The following SAMTOR variants were observed in gnomAD, a reference collection of about 807,000 sequenced individuals.
SAMTOR encodes UPF0532 protein C7orf60.
At chr7:112,841,681 T>C in the SAMTOR span, among the ~76,000 whole-genome samples, 8 of 152,182 alleles carry the variant, frequency 5.3e-5, no homozygotes, top group African/African-American at 1.7e-4. Flanking sequence ...CAAACTATAC[T>C]AGAAGGCTAC....
chr7:112,840,366 CTAT>C, the SAMTOR span, among the ~76,000 whole-genome samples: 1 of 151,888 alleles, frequency 6.6e-6, no homozygotes, highest in African/African-American at 2.4e-5. Context: ...TATTTCAATT[CTAT>C]TATTATTACT....
the SAMTOR span, among the ~76,000 whole-genome samples, chr7:112,848,527 T>G: frequency 6.6e-6 from 1 of 151,796 alleles, no homozygotes; most frequent in African/African-American, 2.4e-5. Context: ...CTTACGGGAG[T>G]AGAACACTCA....
At chr7:112,913,258 G>A in the SAMTOR span, among the ~76,000 whole-genome samples, 1 of 151,964 alleles carries the variant, frequency 6.6e-6, no homozygotes, top group African/African-American at 2.4e-5. Flanking sequence ...TCCACTGATG[G>A]TACCACTTTC....
chr7:112,929,511 A>G, the SAMTOR span, among the ~76,000 whole-genome samples: 1 of 151,860 alleles, frequency 6.6e-6, no homozygotes, highest in Non-Finnish European at 1.5e-5. Context: ...TAGTACAGCC[A>G]AAACAGTATG....
At chr7:112,889,638 C>T in the SAMTOR span, among the ~76,000 whole-genome samples, 1 of 152,160 alleles carries the variant, frequency 6.6e-6, no homozygotes, top group Non-Finnish European at 1.5e-5. Flanking sequence ...ATCCCTTCCA[C>T]GATTCAAGAA....
chr7:112,854,203 A>T, the SAMTOR span, among the ~76,000 whole-genome samples: 1 of 152,156 alleles, frequency 6.6e-6, no homozygotes. Context: ...TTTATTTGGC[A>T]ACTTACCCTT....
At chr7:112,921,034 T>C in the SAMTOR span, among the ~76,000 whole-genome samples, 4 of 152,168 alleles carry the variant, frequency 2.6e-5, no homozygotes, top group Non-Finnish European at 2.9e-5. Context: ...AGGTAATTTA[T>C]AGATTCAATG....
chr7:112,850,634 C>T, the SAMTOR span, among the ~76,000 whole-genome samples: 6 of 152,230 alleles, frequency 3.9e-5, no homozygotes, highest in South Asian at 2.1e-4. Context: ...TGTTGCAGGG[C>T]GCTGGATGTT....
the SAMTOR span, among the ~76,000 whole-genome samples, chr7:112,855,457 C>T: frequency 6.6e-5 from 10 of 152,220 alleles, no homozygotes; most frequent in Non-Finnish European, 1.0e-4. Context: ...GGGCTCTTAT[C>T]TAGGGACTAT....
the SAMTOR span, among the ~76,000 whole-genome samples, chr7:112,889,486 G>A: frequency 1.3e-5 from 2 of 152,118 alleles, no homozygotes; most frequent in Non-Finnish European, 2.9e-5. Flanking sequence ...AATAGTGGCA[G>A]GAGAAGGAAG....
At chr7:112,881,087 G>T in the SAMTOR span, among the ~76,000 whole-genome samples, 3 of 152,328 alleles carry the variant, frequency 2.0e-5, no homozygotes, top group Non-Finnish European at 2.9e-5. Flanking sequence ...AGGCTCAGAA[G>T]TGCCTGCTCC....
chr7:112,846,758 T>C, the SAMTOR span, among the ~76,000 whole-genome samples: 1 of 152,236 alleles, frequency 6.6e-6, no homozygotes, highest in Non-Finnish European at 1.5e-5. Context: ...TCCATATTCA[T>C]ACATTTTATT....
chr7:112,832,715 G>T, the SAMTOR span: 11 of 1,251,990 alleles, frequency 8.8e-6, no homozygotes, highest in Non-Finnish European at 1.3e-5. Context: ...TCAAATATGA[G>T]AATGTAAGAA....
chr7:112,921,020 C>T, the SAMTOR span, among the ~76,000 whole-genome samples: 1 of 152,106 alleles, frequency 6.6e-6, no homozygotes, highest in East Asian at 1.9e-4. Flanking sequence ...GGCCATATTG[C>T]CCAAGGTAAT....
the SAMTOR span, among the ~76,000 whole-genome samples, chr7:112,917,850 G>A: frequency 1.3e-5 from 2 of 152,174 alleles, no homozygotes; most frequent in African/African-American, 4.8e-5. Context: ...GGGTATCAGT[G>A]ATGGAAGATG....
the SAMTOR span, among the ~76,000 whole-genome samples, chr7:112,850,573 T>A: frequency 2.0e-5 from 3 of 152,318 alleles, no homozygotes; most frequent in South Asian, 4.1e-4. Context: ...CTGATTCAAT[T>A]TCACTATTAG....
chr7:112,900,690 A>G, the SAMTOR span, among the ~76,000 whole-genome samples: 1 of 152,222 alleles, frequency 6.6e-6, no homozygotes, highest in East Asian at 1.9e-4. Flanking sequence ...AGAAAAGACA[A>G]ATACATCAAT....
chr7:112,863,630 A>G, the SAMTOR span, among the ~76,000 whole-genome samples: 2 of 152,250 alleles, frequency 1.3e-5, no homozygotes, highest in Non-Finnish European at 2.9e-5. Flanking sequence ...GGACATGAAC[A>G]CTTTTCTAAA....
At chr7:112,854,616 A>G in the SAMTOR span, among the ~76,000 whole-genome samples, 1 of 152,206 alleles carries the variant, frequency 6.6e-6, no homozygotes, top group Non-Finnish European at 1.5e-5. Flanking sequence ...TCTCTTTTTG[A>G]AAAGCTACAC....
Sources: gnomAD v4.1 joint callset for allele counts (sites outside exome capture counted in the v4.1 genomes callset) on GRCh38, gnomAD v4.1.1 for gene constraint, MANE v1.5 for transcripts, NCBI Gene and HGNC (gene_info 2026-07-23, HGNC 2026-07-21) for gene names.